The following RHBDD1 variants were observed in gnomAD, a reference collection of about 807,000 sequenced individuals.
The protein encoded by RHBDD1 is rhomboid-related protein 4.
Under a neutral mutation model 36.3 loss-of-function variants are expected in RHBDD1, and 38 were observed. The observed-to-expected ratio is 1.05, with a 90% CI of 0.81 to 1.37. RHBDD1 has a LOEUF of 1.37. Among genes scored for constraint, RHBDD1 ranks in the 40% most tolerant of loss-of-function variants. The pLI is 0.00. For synonymous variants in RHBDD1, 151 were observed against 136.5 expected, an observed-to-expected ratio of 1.11 and a Z score of -0.74; for missense variants, 393 against 377.6, an observed-to-expected ratio of 1.04 and a Z score of -0.34.
chr2:226,915,104 A>G (rs989675039), intron 8 of RHBDD1, among the ~76,000 whole-genome samples: 1 of 152,122 alleles, frequency 6.6e-6, no homozygotes, highest in African/African-American at 2.4e-5. Context: ...GCATATGCCT[A>G]CTAGATGTGA....
At chr2:226,994,808 T>C (rs1457809996) in intron 8 of RHBDD1, among the ~76,000 whole-genome samples, 1 of 152,196 alleles carries the variant, frequency 6.6e-6, no homozygotes, top group Non-Finnish European at 1.5e-5. Flanking sequence ...TTTGGTAAGT[T>C]TGCATCCCTA....
rs573679622 is a variant in RHBDD1 at position 226,996,006 on chromosome 2, G to C, written c.*484G>C. The stretch of plus-strand genomic sequence containing the variant: ...CAGGATGTGGCTGCCTTGGCCGAAT[G>C]TTGTCCTACTCTCCCCAACCCCGGC... On this transcript the variant is annotated 3_prime_UTR_variant, in exon 9 of 9. Coordinates refer to ENST00000392062, the MANE Select transcript of RHBDD1 (RefSeq NM_001167608.3). The C allele has an allele frequency of 7.6e-5, 12 of 158,360 alleles. No individual in the cohort carries two copies. Among genetic ancestry groups the C allele is most frequent in the Non-Finnish European group, 1.7e-4 (12 of 72,408 alleles). 9.8% of individuals were successfully genotyped at this position (158,360 alleles called of 1,614,324 possible).
chr2:226,887,481 G>A lies in RHBDD1; in HGVS notation c.567-19312G>A, dbSNP rs10166223. Among the ~76,000 whole-genome samples the A allele has an allele frequency of 4.3e-3, 655 of 152,292 alleles. 6 individuals are homozygous for A. Among genetic ancestry groups the A allele is most frequent in the African/African-American group, 0.015 (628 of 41,562 alleles). On this transcript the variant is annotated intron_variant, in intron 5 of 8. Transcript: ENST00000392062. The stretch of plus-strand genomic sequence containing the variant: ...TGGACCAGTTAATTTTAGTTAAAGG[G>A]TGGTATAAATTCACTGCGTGATATA...
intron 5 of RHBDD1, among the ~76,000 whole-genome samples, chr2:226,898,797 C>T (rs1038395688): frequency 5.9e-5 from 9 of 152,196 alleles, no homozygotes; most frequent in African/African-American, 1.7e-4. Context: ...AGCTTCTGAT[C>T]AGTGCAGCCC....
the RHBDD1 span, among the ~76,000 whole-genome samples, chr2:226,823,614 T>C: frequency 6.6e-6 from 1 of 152,166 alleles, no homozygotes; most frequent in Non-Finnish European, 1.5e-5. Context: ...GCAATGTACA[T>C]GAAAACAATT....
At chr2:226,822,969 T>C in the RHBDD1 span, among the ~76,000 whole-genome samples, 1 of 152,026 alleles carries the variant, frequency 6.6e-6, no homozygotes. Context: ...CTACTAAAAA[T>C]ACAAAAATTA....
rs372718176 is a variant in RHBDD1 at position 226,879,563 on chromosome 2, T to G, written c.566+12245T>G. Among the ~76,000 whole-genome samples the G allele has an allele frequency of 1.1e-4, 16 of 152,100 alleles. 1 individual carries two copies. Among genetic ancestry groups the G allele is most frequent in the East Asian group, 7.7e-4 (4 of 5,186 alleles). On this transcript the variant is annotated intron_variant, in intron 5 of 8. Transcript: ENST00000392062. ...AAACAAAGTTATTAGTAAAACCCTT[T>G]AAAAATGCAAAAAAAGGGTTATCTA...
rs746987239 is a variant in RHBDD1 at position 226,908,877 on chromosome 2, A to G, written c.711A>G (p.Ser237=). 1 of 1,573,988 alleles carries G rather than the reference A, an allele frequency of 6.4e-7. No homozygotes were observed. The highest frequency in any genetic ancestry group is 1.3e-5 in the African/African-American group (1 of 74,192). Reference sequence around the variant, plus strand: ...GACGGCAATACTACTTTAATAGTTCAGGTAGGCACTGTATTTCATTTAATA... The same window carrying G: ...GACGGCAATACTACTTTAATAGTTCGGGTAGGCACTGTATTTCATTTAATA... ...YPGRQYYFNS[S]GSSGYQDYYP... The change falls in exon 7 of 9, where the codon TCA becomes TCG. Residue 237 remains serine, a splice_region_variant and synonymous_variant. Coordinates refer to ENST00000392062, the MANE Select transcript of RHBDD1 (RefSeq NM_001167608.3).
intron 5 of RHBDD1, among the ~76,000 whole-genome samples, chr2:226,888,778 A>G (rs1946447631): frequency 6.6e-6 from 1 of 152,172 alleles, no homozygotes; most frequent in Non-Finnish European, 1.5e-5. Context: ...TGTTATGTCT[A>G]CAATTTGGTT....
At chr2:226,874,935 T>C (rs559157804) in intron 5 of RHBDD1, among the ~76,000 whole-genome samples, 1 of 149,728 alleles carries the variant, frequency 6.7e-6, no homozygotes, top group South Asian at 2.1e-4. Flanking sequence ...TGTGAATTCC[T>C]GGTTATTCAA....
At chr2:226,802,369 T>A in the RHBDD1 span, among the ~76,000 whole-genome samples, 1 of 152,214 alleles carries the variant, frequency 6.6e-6, no homozygotes, top group African/African-American at 2.4e-5. Context: ...TTTTTCTACT[T>A]GCTGATGTTT....
intron 8 of RHBDD1, among the ~76,000 whole-genome samples, chr2:226,973,220 A>G (rs530000011): frequency 5.6e-4 from 85 of 152,352 alleles, no homozygotes; most frequent in African/African-American, 2.0e-3. Flanking sequence ...AAACTCATCC[A>G]AACCATTTAA....
rs527320291 is a variant in RHBDD1, at chr2:226,842,167, T to A, written c.-91+2540T>A. On this transcript the variant is annotated intron_variant, in intron 3 of 8. Coordinates refer to ENST00000392062, the MANE Select transcript of RHBDD1 (RefSeq NM_001167608.3). Reference sequence around the variant, plus strand: ...TTGTTTTTTTCTCCTAAATTTAAGTTCCTTGTAGACTGTGGATATTAAACC... The same window carrying A: ...TTGTTTTTTTCTCCTAAATTTAAGTACCTTGTAGACTGTGGATATTAAACC... Among the ~76,000 whole-genome samples the A allele has an allele frequency of 2.1e-5, 3 of 144,978 alleles. No individual in the cohort carries two copies. In the South Asian group the frequency reaches 6.3e-4, roughly 31 times the overall value.
In RHBDD1 at chr2:226,973,574, C is replaced by A. The variant is rs544834075; in HGVS notation, c.857-21857C>A. ...GATTCCTAGATGTAATATTCACTCTCTTCCCTGCCTAGTCCCCTTAGCAAG... is the reference window on the plus strand; with the variant it reads ...GATTCCTAGATGTAATATTCACTCTATTCCCTGCCTAGTCCCCTTAGCAAG... On this transcript the variant is annotated intron_variant, in intron 8 of 8. Transcript: ENST00000392062. Among the ~76,000 whole-genome samples, 84 of 152,222 alleles carry A rather than the reference C, an allele frequency of 5.5e-4. 1 individual carries two copies. The highest frequency in any genetic ancestry group is 1.0e-3 in the Non-Finnish European group (68 of 68,036).
rs1289101165 is a variant in RHBDD1 at position 226,914,248 on chromosome 2, A to T, written c.753A>T (p.Pro251=). ...AGGATTATTATCCGCATGGCAGGCC[A>T]GATCACTATGAAGAAGCACCCAGGA... ...GYQDYYPHGR[P]DHYEEAPRNY... The change falls in exon 8 of 9, where the codon CCA becomes CCT. Residue 251 remains proline (P), a synonymous_variant. Transcript: ENST00000392062. 1 of 1,613,904 alleles carries T rather than the reference A, an allele frequency of 6.2e-7. No individual in the cohort carries two copies. The highest frequency in any genetic ancestry group is 8.5e-7 in the Non-Finnish European group (1 of 1,179,804).
chr2:226,817,835 A>C, the RHBDD1 span, among the ~76,000 whole-genome samples: 1 of 152,202 alleles, frequency 6.6e-6, no homozygotes, highest in Non-Finnish European at 1.5e-5. Flanking sequence ...AATAAATAAA[A>C]AATCCAGCAT....
At position 226,914,230 on chromosome 2, in the gene RHBDD1, T is replaced by C; in HGVS notation, c.735T>C (p.Tyr245=). The change falls in exon 8 of 9, where the codon TAT becomes TAC. Residue 245 remains tyrosine (Y), a synonymous_variant. Coordinates refer to ENST00000392062, the MANE Select transcript of RHBDD1 (RefSeq NM_001167608.3). ...TAGGCAGCTCTGGATATCAGGATTA[T>C]TATCCGCATGGCAGGCCAGATCACT... ...NSSGSSGYQD[Y]YPHGRPDHYE... 1 of 1,613,784 alleles carries C rather than the reference T, an allele frequency of 6.2e-7. No individual in the cohort carries two copies. Among genetic ancestry groups the C allele is most frequent in the South Asian group, 1.1e-5 (1 of 91,076 alleles).
At chr2:226,843,486 T>G (rs1362292443) in intron 3 of RHBDD1, among the ~76,000 whole-genome samples, 1 of 152,212 alleles carries the variant, frequency 6.6e-6, no homozygotes, top group African/African-American at 2.4e-5. Flanking sequence ...TGAAGGGATG[T>G]TGAATTTTAT....
At chr2:226,869,158 C>A (rs1193086867) in intron 5 of RHBDD1, 1 of 984,964 alleles carries the variant, frequency 1.0e-6, no homozygotes, top group African/African-American at 1.7e-5. Context: ...CCCCAACTTA[C>A]ATGGAAAAGG....
Sources: allele counts gnomAD v4.1 joint callset (sites outside exome capture counted in the v4.1 genomes callset), GRCh38; gene constraint gnomAD v4.1.1; transcripts MANE v1.5; gene names NCBI Gene and HGNC (gene_info 2026-07-23, HGNC 2026-07-21).